The following IQUB variants were observed in gnomAD, a reference collection of about 807,000 sequenced individuals.
IQUB encodes the protein IQ motif and ubiquitin-like domain-containing protein.
IQUB carries 86 observed loss-of-function variants against 86.4 expected under a neutral mutation model. The ratio of observed to expected loss-of-function variants is 1.00; its 90% CI spans 0.84 to 1.19. The LOEUF is 1.19. Ranked by LOEUF, IQUB falls within the 50% of genes most tolerant of loss-of-function variation. The pLI is 0.00. For synonymous variants in IQUB, 289 were observed against 304.5 expected, an observed-to-expected ratio of 0.95 and a Z score of 0.53; for missense variants, 946 against 916.9, an observed-to-expected ratio of 1.03 and a Z score of -0.41.
rs931988040 is a variant in IQUB, at chr7:123,464,010, T to C, written c.1758+823A>G. 4.6e-5 allele frequency among the ~76,000 whole-genome samples: 7 copies of C among 151,896 alleles called. No homozygotes were observed. In the South Asian group the frequency reaches 1.2e-3, roughly 27 times the overall value. On this transcript the variant is annotated intron_variant, in intron 10 of 12. Transcript: ENST00000324698. The stretch of plus-strand genomic sequence containing the variant: ...TTTTTAAAAATCAGTTTAAAAAATA[T>C]AAAAATTAAACAATTTTTATTCTTC...
intron 7 of IQUB, among the ~76,000 whole-genome samples, chr7:123,491,331 A>G (rs555414916): frequency 6.6e-6 from 1 of 152,264 alleles, no homozygotes; most frequent in African/African-American, 2.4e-5. Context: ...AAACTGAACC[A>G]AAGGTAAGCA....
At chr7:123,506,019 C>A (rs180695576) in intron 3 of IQUB, among the ~76,000 whole-genome samples, 3 of 152,112 alleles carry the variant, frequency 2.0e-5, no homozygotes, top group Non-Finnish European at 4.4e-5. Context: ...TTTCTTCCAC[C>A]AGATACCCTA....
chr7:123,501,758 A>T (rs1450925290), intron 6 of IQUB: 1 of 152,158 alleles, frequency 6.6e-6, no homozygotes, highest in Non-Finnish European at 1.5e-5. Context: ...TGGCCCATTT[A>T]TACACACCCT....
chr7:123,509,111 CTT>C (rs935357407), intron 3 of IQUB, among the ~76,000 whole-genome samples: 9 of 151,984 alleles, frequency 5.9e-5, no homozygotes, highest in Admixed American at 5.9e-4. Flanking sequence ...TCTCTGGAAA[CTT>C]TTTGTGGCAT....
At position 123,457,522 on chromosome 7, in the gene IQUB, C is replaced by CT; in HGVS notation, c.2051dup (p.Ser685ValfsTer11). On this transcript the variant is annotated frameshift_variant, in exon 12 of 13. Transcript: ENST00000324698. LOFTEE classifies it high-confidence loss of function. Reference sequence around the variant, plus strand: ...GATTGTCGCAAGCACTGAGGACTGACTGGGACGCCCAGATGTTCTCTGTCA... The same window carrying CT: ...GATTGTCGCAAGCACTGAGGACTGACTTGGGACGCCCAGATGTTCTCTGTCA... 6.2e-7 allele frequency: 1 copy of CT among 1,609,402 alleles called. No homozygotes were observed.
chr7:123,457,707 T>C, intron 11 of IQUB, 141 bp from the exon 12 acceptor site: 1 of 654,586 alleles, frequency 1.5e-6, no homozygotes, highest in Non-Finnish European at 2.5e-6. Context: ...TAGCCCCTTA[T>C]TTTTCACTAA....
chr7:123,453,319 CAAAAAT>C (rs1261338876), intron 12 of IQUB, among the ~76,000 whole-genome samples: 1 of 140,786 alleles, frequency 7.1e-6, no homozygotes, highest in Non-Finnish European at 1.5e-5. Flanking sequence ...TGAGAAAAAA[CAAAAAT>C]AAAAACAAAA....
intron 6 of IQUB, among the ~76,000 whole-genome samples, chr7:123,498,285 G>C (rs1795792406): frequency 6.6e-6 from 1 of 151,970 alleles, no homozygotes; most frequent in South Asian, 2.1e-4. Flanking sequence ...AAACTCCTGG[G>C]TAAGCACAGC....
intron 3 of IQUB, among the ~76,000 whole-genome samples, chr7:123,505,831 C>T (rs1196218691): frequency 6.6e-6 from 1 of 152,190 alleles, no homozygotes; most frequent in Non-Finnish European, 1.5e-5. Context: ...TAATTCCTCC[C>T]TTGAAATAGG....
chr7:123,502,743 G>A lies in IQUB; in HGVS notation c.877C>T (p.Gln293Ter). The change falls in exon 6 of 13, where the codon CAG becomes TAG. Residue 293 changes from glutamine (Q) to a stop codon, truncating the protein, a stop_gained. Transcript: ENST00000324698. LOFTEE classifies it high-confidence loss of function. Reference sequence around the variant, plus strand: ...GTAGTTTGTTGGAGATTTTTTTTCTGAAAAACTGTCTAAAAGAAAACATTA... The same window carrying A: ...GTAGTTTGTTGGAGATTTTTTTTCTAAAAAACTGTCTAAAAGAAAACATTA... ...IFCRDTQTVF[Q>*]KKNLQQTTNT... 6.3e-7 allele frequency: 1 copy of A among 1,597,272 alleles called. No individual in the cohort carries two copies. Among genetic ancestry groups the A allele is most frequent in the Non-Finnish European group, 8.5e-7 (1 of 1,172,766 alleles).
chr7:123,511,855 C>A, intron 2 of IQUB, 89 bp downstream of exon 2: 1 of 1,037,650 alleles, frequency 9.6e-7, no homozygotes, highest in South Asian at 1.7e-5. Context: ...AAATATAAAA[C>A]AAATCTTTAA....
At chr7:123,527,868 G>A (rs934095068) in intron 1 of IQUB, among the ~76,000 whole-genome samples, 2 of 152,192 alleles carry the variant, frequency 1.3e-5, no homozygotes, top group African/African-American at 4.8e-5. Context: ...CAGCTGCTTT[G>A]TTTACCTAAG....
At chr7:123,512,412 G>C (rs1040951908) in intron 1 of IQUB, 68 bp from the exon 2 acceptor site, 2 of 932,540 alleles carry the variant, frequency 2.1e-6, no homozygotes, top group African/African-American at 3.3e-5. Flanking sequence ...CAAATTCATT[G>C]CTAGTATAGA....
intron 7 of IQUB, among the ~76,000 whole-genome samples, chr7:123,496,261 A>G (rs144103025): frequency 2.0e-5 from 3 of 152,248 alleles, no homozygotes; most frequent in Admixed American, 6.5e-5. Flanking sequence ...AGTATTATTA[A>G]TAAGGGGGAA....
chr7:123,459,673 C>T (rs1454329735), intron 11 of IQUB: 1 of 151,846 alleles, frequency 6.6e-6, no homozygotes, highest in African/African-American at 2.4e-5. Flanking sequence ...ATAACATTTT[C>T]TATTGGTTCT....
At chr7:123,459,667 C>T (rs1027022407) in intron 11 of IQUB, 15 of 151,872 alleles carry the variant, frequency 9.9e-5, no homozygotes, top group African/African-American at 3.6e-4. Context: ...ATATGTATAA[C>T]ATTTTCTATT....
At chr7:123,469,187 C>G in intron 9 of IQUB, 27 bp downstream of exon 9, 3 of 1,419,868 alleles carry the variant, frequency 2.1e-6, no homozygotes, top group Non-Finnish European at 2.8e-6. Flanking sequence ...TGAACTCTAC[C>G]CCCAAACTAA....
rs540994891 is a variant in IQUB, at chr7:123,523,785, A to G, written c.-5+10707T>C. 4.3e-4 allele frequency among the ~76,000 whole-genome samples: 66 copies of G among 152,246 alleles called. 2 individuals are homozygous for G. In the South Asian group the frequency reaches 0.01, roughly 24 times the overall value. ...AGACATGAAGTCCTTGCCCACGCCT[A>G]TGTCCTGAATGGTAATGCCTAGGTT... On this transcript the variant is annotated intron_variant, in intron 1 of 12. Coordinates refer to ENST00000324698, the MANE Select transcript of IQUB (RefSeq NM_178827.5).
intron 1 of IQUB, among the ~76,000 whole-genome samples, chr7:123,514,470 G>A (rs539630956): frequency 5.0e-4 from 76 of 152,142 alleles, no homozygotes; most frequent in African/African-American, 1.7e-3. Context: ...ATAAACATAT[G>A]GGTAAATCCA....
Sources: gnomAD v4.1 joint callset for allele counts (sites outside exome capture counted in the v4.1 genomes callset) on GRCh38, gnomAD v4.1.1 for gene constraint, MANE v1.5 for transcripts, NCBI Gene and HGNC (gene_info 2026-07-23, HGNC 2026-07-21) for gene names.